AHDC1: variants seen among roughly 807,000 people sequenced by gnomAD.
AHDC1 encodes the protein AT-hook DNA binding motif containing 1, also known as transcription factor Gibbin.
A neutral mutation model predicts 87.9 loss-of-function variants in AHDC1; 7 were observed. The ratio of observed to expected loss-of-function variants is 0.08; its 90% CI spans 0.05 to 0.15. The LOEUF (loss-of-function observed/expected upper bound fraction) is 0.15. Ranked by LOEUF, AHDC1 falls within the 10% of genes least tolerant of loss-of-function variation. The probability of loss-of-function intolerance (pLI) is 1.00; values close to 1 mark genes in which losing one functional copy is unlikely to be tolerated. For synonymous variants in AHDC1, 1,051 were observed against 1,006.8 expected (o/e 1.04, Z -0.83); for missense variants, 1,841 against 2,253.2 (o/e 0.82, Z 3.70).
rs147020238 is a variant in AHDC1, at chr1:27,548,350, C to T, written c.3766G>A (p.Ala1256Thr). Residue 1256 changes from alanine (A) to threonine (T), a missense_variant, in exon 8 of 9, where the codon GCT (alanine) becomes ACT (threonine). Ala to Thr is a moderately conservative substitution (Grantham distance 58, BLOSUM62 0). Coordinates refer to ENST00000673934, the MANE Select transcript of AHDC1 (RefSeq NM_001371928.1). The part of the protein sequence containing the change: ...HLGFPTSASA[A>T]ASGYPSKRST... ...CGTTTGGATGGGTAGCCTGAGGCAGCGGCAGAGGCGGATGTCGGGAAGCCC... is the reference window on the plus strand; with the variant it reads ...CGTTTGGATGGGTAGCCTGAGGCAGTGGCAGAGGCGGATGTCGGGAAGCCC... 1.8e-5 allele frequency: 29 copies of T among 1,605,626 alleles called. No homozygotes were observed. The highest frequency in any genetic ancestry group is 2.7e-5 in the African/African-American group (2 of 74,814).
chr1:27,551,870 G>A lies in AHDC1; in HGVS notation c.246C>T (p.Asp82=). 6.2e-7 allele frequency: 1 copy of A among 1,608,866 alleles called. No individual in the cohort carries two copies. Among genetic ancestry groups the A allele is most frequent in the Non-Finnish European group, 8.5e-7 (1 of 1,178,056 alleles). The change falls in exon 8 of 9, where the codon GAC becomes GAT. Residue 82 remains aspartate (D), a synonymous_variant. Coordinates refer to ENST00000673934, the MANE Select transcript of AHDC1 (RefSeq NM_001371928.1). ...RRPPVLAKGD[D]PLPPRAARPV... is the part of the protein sequence containing the mutation. Reference sequence around the variant, plus strand: ...GACGGGCTGCCCGTGGGGGCAGCGGGTCGTCCCCCTTGGCAAGGACTGGTG... The same window carrying A: ...GACGGGCTGCCCGTGGGGGCAGCGGATCGTCCCCCTTGGCAAGGACTGGTG...
chr1:27,549,776 A>G lies in AHDC1; in HGVS notation c.2340T>C (p.His780=), dbSNP rs1035113580. The G allele has an allele frequency of 3.7e-6, 6 of 1,613,124 alleles. No individual in the cohort carries two copies. In the Admixed American group the frequency reaches 6.7e-5, roughly 18 times the overall value. Residue 780 remains histidine, a synonymous_variant, in exon 8 of 9, where the codon CAT becomes CAC. Coordinates refer to ENST00000673934, the MANE Select transcript of AHDC1 (RefSeq NM_001371928.1). ...GGCCAGCTTGTCCGCCTGGGTGCCC[A>G]TGGTGAGGGGCCCAGCCACCACCCT... is the stretch of plus-strand genomic sequence containing the variant. ...GDKGGGWAPH[H]GHPGGQAGRN...
chr1:27,549,605 G>C lies in AHDC1; in HGVS notation c.2511C>G (p.Thr837=), dbSNP rs569309445. 1 of 1,613,072 alleles carries C rather than the reference G, an allele frequency of 6.2e-7. No homozygotes were observed. Among genetic ancestry groups the C allele is most frequent in the African/African-American group, 1.3e-5 (1 of 74,930 alleles). ...ELSQERQNLF[T]GYFRSLLDSD... ...AATCGAGCAGCGAGCGAAAGTAGCC[G>C]GTGAAGAGGTTTTGGCGCTCCTGGC... is the stretch of plus-strand genomic sequence containing the variant. Residue 837 remains threonine, a synonymous_variant, in exon 8 of 9, where the codon ACC becomes ACG. Coordinates refer to ENST00000673934, the MANE Select transcript of AHDC1 (RefSeq NM_001371928.1).
intron 3 of AHDC1, among the ~76,000 whole-genome samples, chr1:27,585,351 CTG>C (rs2089024498): frequency 6.6e-6 from 1 of 151,666 alleles, no homozygotes; most frequent in African/African-American, 2.4e-5. Flanking sequence ...CACATACTGA[CTG>C]TGTGACCTTG....
chr1:27,596,704 G>A (rs548445282), intron 3 of AHDC1, among the ~76,000 whole-genome samples: 1 of 152,108 alleles, frequency 6.6e-6, no homozygotes, highest in East Asian at 1.9e-4. Flanking sequence ...CACACATGCA[G>A]TTTGCCCCAT....
intron 8 of AHDC1, among the ~76,000 whole-genome samples, chr1:27,539,638 G>T (rs1032880472): frequency 6.6e-6 from 1 of 151,572 alleles, no homozygotes; most frequent in Admixed American, 6.6e-5. Context: ...TAGAGACAGG[G>T]TTTCACCATG....
intron 3 of AHDC1, among the ~76,000 whole-genome samples, chr1:27,573,844 G>C (rs1471998338): frequency 6.6e-6 from 1 of 152,192 alleles, no homozygotes; most frequent in Admixed American, 6.5e-5. Context: ...ACTCCATTTT[G>C]CAGAAAAGCA....
chr1:27,571,618 G>A (rs2088517127), intron 3 of AHDC1, among the ~76,000 whole-genome samples: 1 of 152,182 alleles, frequency 6.6e-6, no homozygotes, highest in East Asian at 1.9e-4. Context: ...GGAGGGGGGG[G>A]TGGCTGCTTC....
chr1:27,552,504 T>C (rs765688445), intron 7 of AHDC1: 29 of 184,444 alleles, frequency 1.6e-4, no homozygotes, highest in Non-Finnish European at 3.1e-4. Flanking sequence ...TGCAAGCGAT[T>C]CTCAGGTGTC....
chr1:27,548,980 AG>A lies in AHDC1; in HGVS notation c.3135del (p.Phe1046SerfsTer96). 6.4e-7 allele frequency: 1 copy of A among 1,565,634 alleles called. No homozygotes were observed. Among genetic ancestry groups the A allele is most frequent in the East Asian group, 2.3e-5 (1 of 43,992 alleles). On this transcript the variant is annotated frameshift_variant, in exon 8 of 9. Coordinates refer to ENST00000673934, the MANE Select transcript of AHDC1 (RefSeq NM_001371928.1). LOFTEE classifies it high-confidence loss of function. Reference protein sequence around the residue: ...ASFFSSSEGAPFSGSAPTPLR... With the variant: ...ASFFSSSEGAXFSGSAPTPLR... ...AGGGGCGTGGGGGCTGAACCAGAGAAGGGGGCCCCCTCAGAGCTGCTGAAGA... is the reference window on the plus strand; with the variant it reads ...AGGGGCGTGGGGGCTGAACCAGAGAAGGGGCCCCCTCAGAGCTGCTGAAGA...
At position 27,551,419 on chromosome 1, in the gene AHDC1, T is replaced by C; in HGVS notation, c.697A>G (p.Ser233Gly). The C allele has an allele frequency of 6.2e-7, 1 of 1,613,488 alleles. No individual in the cohort carries two copies. Among genetic ancestry groups the C allele is most frequent in the Non-Finnish European group, 8.5e-7 (1 of 1,179,952 alleles). Reference sequence around the variant, plus strand: ...TCAGCAAGTTCTGAGTAATCAGTGCTGTCTGGCTCAGGCTCTGGGGGCAGA... The same window carrying C: ...TCAGCAAGTTCTGAGTAATCAGTGCCGTCTGGCTCAGGCTCTGGGGGCAGA... ...TGLPPEPEPD[S>G]TDYSELADAD... Residue 233 changes from serine (S) to glycine (G), a missense_variant, in exon 8 of 9, where the codon AGC (serine) becomes GGC (glycine). Ser to Gly is a moderately conservative substitution (Grantham distance 56, BLOSUM62 0). This residue lies in a region of AHDC1 where 370 missense variants were observed against 391.5 expected (regional missense o/e 0.95). Coordinates refer to ENST00000673934, the MANE Select transcript of AHDC1 (RefSeq NM_001371928.1).
intron 3 of AHDC1, among the ~76,000 whole-genome samples, chr1:27,574,577 G>T (rs2088649608): frequency 6.6e-6 from 1 of 152,152 alleles, no homozygotes; most frequent in Non-Finnish European, 1.5e-5. Flanking sequence ...TGCCTATCCC[G>T]ACTGCTTTTG....
At chr1:27,585,567 A>G (rs765923488) in intron 3 of AHDC1, among the ~76,000 whole-genome samples, 2 of 152,234 alleles carry the variant, frequency 1.3e-5, no homozygotes, top group Non-Finnish European at 2.9e-5. Context: ...GTGGTAGGGT[A>G]CAGAGCTAGT....
chr1:27,547,216 C>G lies in AHDC1; in HGVS notation c.*43+45G>C. 1 of 1,346,426 alleles carries G rather than the reference C, an allele frequency of 7.4e-7. No individual in the cohort carries two copies. Among genetic ancestry groups the G allele is most frequent in the Non-Finnish European group, 1.0e-6 (1 of 992,236 alleles). The allele number at this position is 1,346,426 out of a possible 1,614,324, so 83.4% of individuals were successfully genotyped here. A position where few individuals can be genotyped will look rare whatever the true frequency, so the allele number is the denominator to read the frequency against. On this transcript the variant is annotated intron_variant, in intron 8 of 8. Transcript: ENST00000673934. This position sits in a 1 kb window ranked among gnomAD's most constrained non-coding sequence, Gnocchi z 4.9. ...TTGCCTAAGCTCTGATGTCCTCTTC[C>G]CACCCCCAGGCCTCTGCCCACTGCG...
chr1:27,566,821 G>A (rs376603462), intron 3 of AHDC1, among the ~76,000 whole-genome samples: 1 of 130,428 alleles, frequency 7.7e-6, no homozygotes, highest in Non-Finnish European at 1.6e-5. Context: ...AGGGTGGGGG[G>A]AAGAAGGAGC....
At position 27,565,180 on chromosome 1, in the gene AHDC1, C is replaced by A. The variant is rs1418157709; in HGVS notation, c.-628-6297G>T. ...GCCTCGATGCCAGCTTTGTTCCCCC[C>A]ACCCACCCGCCGAGGGGGCCCAGCA... On this transcript the variant is annotated intron_variant, in intron 3 of 8. Coordinates refer to ENST00000673934, the MANE Select transcript of AHDC1 (RefSeq NM_001371928.1). The surrounding 1 kb of genome is among the most constrained non-coding windows in gnomAD (Gnocchi z 4.6). 1.3e-5 allele frequency among the ~76,000 whole-genome samples: 2 copies of A among 152,160 alleles called. No homozygotes were observed. The highest frequency in any genetic ancestry group is 4.8e-5 in the African/African-American group (2 of 41,436).
Position 27,548,214 on chromosome 1 carries a change from G to A in AHDC1, c.3902C>T (p.Pro1301Leu). ...AKAKFIPKPQPVNPLFQDSPD... is the reference protein window; with the variant it reads ...AKAKFIPKPQLVNPLFQDSPD... Reference sequence around the variant, plus strand: ...ACTGTCCTGGAACAGTGGGTTGACTGGCTGTGGCTTGGGGATGAACTTGGC... The same window carrying A: ...ACTGTCCTGGAACAGTGGGTTGACTAGCTGTGGCTTGGGGATGAACTTGGC... The change falls in exon 8 of 9, where the codon CCA becomes CTA. Residue 1301 changes from proline to leucine, a missense_variant. Physicochemically the swap from Pro to Leu is moderately conservative, Grantham distance 98. Transcript: ENST00000673934. 1.9e-6 allele frequency: 3 copies of A among 1,613,578 alleles called. No homozygotes were observed. The highest frequency in any genetic ancestry group is 1.7e-4 in the Middle Eastern group (1 of 6,060).
rs1177972759 is a variant in AHDC1, at chr1:27,550,808, TGGA to T, written c.1305_1307del (p.Pro438del). Reference sequence around the variant, plus strand: ...GGCCTGGGCCTGGCAGGGCAGGGGGTGGAGGAGGCGGTGGTGGTGGGGGTTCGG... The same window carrying T: ...GGCCTGGGCCTGGCAGGGCAGGGGGTGGAGGCGGTGGTGGTGGGGGTTCGG... On this transcript the variant is annotated inframe_deletion, in exon 8 of 9. Transcript: ENST00000673934. The T allele has an allele frequency of 2.6e-6, 4 of 1,563,406 alleles. No individual in the cohort carries two copies. In the East Asian group the frequency reaches 9.6e-5, roughly 37 times the overall value.
chr1:27,564,034 T>C (rs1362332133), intron 3 of AHDC1, among the ~76,000 whole-genome samples: 1 of 152,120 alleles, frequency 6.6e-6, no homozygotes, highest in African/African-American at 2.4e-5. Context: ...TATGGGATAA[T>C]GGCTTGAGAC....
Sources: allele counts gnomAD v4.1 joint callset (sites outside exome capture counted in the v4.1 genomes callset), GRCh38; gene constraint gnomAD v4.1.1; regional missense constraint gnomAD v4.1.1; non-coding constraint Gnocchi (gnomAD v3.1); transcripts MANE v1.5; gene names NCBI Gene and HGNC (gene_info 2026-07-23, HGNC 2026-07-21).